The following IL22RA2 variants were observed in gnomAD, a reference collection of about 807,000 sequenced individuals.
IL22RA2 encodes the protein interleukin-22 receptor subunit alpha-2.
Under a neutral mutation model 30.7 loss-of-function variants are expected in IL22RA2, and 39 were observed. That is an observed-to-expected ratio of 1.27 (90% confidence interval 0.98 to 1.66). IL22RA2 has a LOEUF of 1.66. Among genes scored for constraint, IL22RA2 ranks in the 40% most tolerant of loss-of-function variants. The pLI is 0.00. For synonymous variants in IL22RA2, 103 were observed against 105.0 expected (o/e 0.98, Z 0.11); for missense variants, 315 against 312.7 (o/e 1.01, Z -0.05).
At position 137,147,899 on chromosome 6, in the gene IL22RA2, A is replaced by G. The variant is rs1189636457; in HGVS notation, c.473-8T>C. 6.2e-7 allele frequency: 1 copy of G among 1,603,376 alleles called. No homozygotes were observed. Among genetic ancestry groups the G allele is most frequent in the Middle Eastern group, 1.7e-4 (1 of 6,016 alleles). On this transcript the variant is annotated splice_region_variant and splice_polypyrimidine_tract_variant and intron_variant, in intron 5 of 6. Transcript: ENST00000296980. ...CTGGAGGATCTATTTTTGCTGAAGA[A>G]AAAACATAAAAATTTGACAAATCAT...
chr6:137,147,684 G>GA, intron 6 of IL22RA2, 38 bp downstream of exon 6: 4 of 1,433,624 alleles, frequency 2.8e-6, no homozygotes, highest in Non-Finnish European at 2.8e-6. Flanking sequence ...ATAAACAAAA[G>GA]AAAAAAACTC....
chr6:137,146,802 G>A (rs576591488), intron 6 of IL22RA2, among the ~76,000 whole-genome samples: 15 of 152,174 alleles, frequency 9.9e-5, no homozygotes, highest in Admixed American at 2.0e-4. Flanking sequence ...AGACCAGCCC[G>A]GGCAACATGG....
At chr6:137,168,364 C>A (rs954248180) in intron 1 of IL22RA2, among the ~76,000 whole-genome samples, 1 of 152,214 alleles carries the variant, frequency 6.6e-6, no homozygotes, top group Non-Finnish European at 1.5e-5. Context: ...CTAATGCCAT[C>A]ATATACAAAC....
rs905341353 is a variant in IL22RA2 at position 137,144,929 on chromosome 6, A to G, written c.*695T>C. ...AAGAAAAGCTTAATATATCTTTTAA[A>G]TGAGGGACAATTGTACAGAGCAGAC... On this transcript the variant is annotated 3_prime_UTR_variant, in exon 7 of 7. Transcript: ENST00000296980. 5 of 152,188 alleles carry G rather than the reference A, an allele frequency of 3.3e-5. No individual in the cohort carries two copies. In the South Asian group the frequency reaches 1.0e-3, roughly 31 times the overall value. The allele number at this position is 152,188 out of a possible 1,614,324, so 9.4% of individuals were successfully genotyped here.
intron 4 of IL22RA2, among the ~76,000 whole-genome samples, chr6:137,155,658 A>G (rs1158614123): frequency 2.0e-5 from 3 of 152,100 alleles, no homozygotes; most frequent in Non-Finnish European, 4.4e-5. Flanking sequence ...CATCTCCCCA[A>G]AGTCCCACCT....
chr6:137,154,898 A>C, intron 5 of IL22RA2, 43 bp downstream of exon 5: 2 of 1,594,560 alleles, frequency 1.3e-6, no homozygotes, highest in Non-Finnish European at 1.7e-6. Context: ...AGGGCTGTCC[A>C]AAAGCAGGAA....
intron 2 of IL22RA2, among the ~76,000 whole-genome samples, chr6:137,161,268 C>T (rs542699028): frequency 6.6e-6 from 1 of 152,296 alleles, no homozygotes; most frequent in African/African-American, 2.4e-5. Flanking sequence ...AATGGCAGAT[C>T]TGAAATCCAG....
intron 1 of IL22RA2, among the ~76,000 whole-genome samples, chr6:137,168,058 A>G (rs914600133): frequency 6.6e-6 from 1 of 152,238 alleles, no homozygotes; most frequent in Non-Finnish European, 1.5e-5. Context: ...CATGCATAGT[A>G]TAAGTTTAAT....
rs1778152986 is a variant in IL22RA2, at chr6:137,145,246, A to G, written c.*378T>C. 1 of 160,002 alleles carries G rather than the reference A, an allele frequency of 6.2e-6. No homozygotes were observed. Among genetic ancestry groups the G allele is most frequent in the South Asian group, 1.8e-4 (1 of 5,556 alleles). The allele number at this position is 160,002 out of a possible 1,614,324, so 9.9% of individuals were successfully genotyped here. The stretch of plus-strand genomic sequence containing the variant: ...CAGGACCGCCTCAGTCTGTAATGCT[A>G]TTTTAAAAAAATTATTTCAACATTT... On this transcript the variant is annotated 3_prime_UTR_variant, in exon 7 of 7. Transcript: ENST00000296980.
intron 1 of IL22RA2, among the ~76,000 whole-genome samples, chr6:137,170,789 T>C (rs1447398551): frequency 6.6e-6 from 1 of 151,936 alleles, no homozygotes; most frequent in African/African-American, 2.4e-5. Context: ...TATATGACAA[T>C]TGAAGTATCA....
intron 2 of IL22RA2, 79 bp from the exon 3 acceptor site, chr6:137,158,561 C>A: frequency 6.8e-7 from 1 of 1,460,818 alleles, no homozygotes; most frequent in South Asian, 1.2e-5. Flanking sequence ...CAGTGGAATA[C>A]CTGCATCAGG....
chr6:137,150,373 G>A (rs1054272456), intron 5 of IL22RA2, among the ~76,000 whole-genome samples: 2 of 151,912 alleles, frequency 1.3e-5, no homozygotes, highest in African/African-American at 4.8e-5. Context: ...ATCAACAAGA[G>A]TAGTAGCTAT....
intron 3 of IL22RA2, 51 bp from the exon 4 acceptor site, chr6:137,156,905 G>C: frequency 6.3e-7 from 1 of 1,580,594 alleles, no homozygotes; most frequent in Non-Finnish European, 8.7e-7. Context: ...CCAAACTCAA[G>C]GGGCATCCTG....
In IL22RA2 at chr6:137,145,627, T is replaced by C. The variant is rs1412693088; in HGVS notation, c.789A>G (p.Pro263=). ...QRSEERCVEI[P] The stretch of plus-strand genomic sequence containing the variant: ...GCTGAATGCCAAATTCCACAAGTCA[T>C]GGAATTTCCACACATCTCTCTTCAC... The change falls in exon 7 of 7, where the codon CCA becomes CCG. Residue 263 remains proline (P), a synonymous_variant. Coordinates refer to ENST00000296980, the MANE Select transcript of IL22RA2 (RefSeq NM_052962.3). 3.7e-6 allele frequency: 6 copies of C among 1,604,142 alleles called. No homozygotes were observed. The highest frequency in any genetic ancestry group is 1.7e-5 in the Admixed American group (1 of 58,828).
chr6:137,166,893 C>A (rs1350731057), intron 1 of IL22RA2, among the ~76,000 whole-genome samples: 1 of 152,216 alleles, frequency 6.6e-6, no homozygotes, highest in Non-Finnish European at 1.5e-5. Context: ...CAGCAGGGGC[C>A]AACATGGCCC....
At chr6:137,161,380 G>A (rs1778516985) in intron 2 of IL22RA2, among the ~76,000 whole-genome samples, 1 of 151,984 alleles carries the variant, frequency 6.6e-6, no homozygotes, top group South Asian at 2.1e-4. Flanking sequence ...CAGAGAGAAA[G>A]AGAGAGGGAG....
At chr6:137,153,893 T>G (rs9483996) in intron 5 of IL22RA2, among the ~76,000 whole-genome samples, 10,767 of 152,240 alleles carry the variant, frequency 0.071, 895 homozygotes, top group African/African-American at 0.2. Flanking sequence ...AAGTGAATGT[T>G]GAGTTTATAA....
chr6:137,165,161 G>A (rs1007010890), intron 1 of IL22RA2, among the ~76,000 whole-genome samples: 3 of 152,138 alleles, frequency 2.0e-5, no homozygotes, highest in East Asian at 1.9e-4. Context: ...GTATTGAGAG[G>A]CACTCCTAAA....
intron 1 of IL22RA2, among the ~76,000 whole-genome samples, chr6:137,165,314 G>A (rs896029499): frequency 1.3e-5 from 2 of 152,250 alleles, no homozygotes; most frequent in African/African-American, 4.8e-5. Flanking sequence ...CCCAGAGGCT[G>A]CGGGTAATCA....
Sources: gnomAD v4.1 joint callset for allele counts (sites outside exome capture counted in the v4.1 genomes callset) on GRCh38, gnomAD v4.1.1 for gene constraint, MANE v1.5 for transcripts, NCBI Gene and HGNC (gene_info 2026-07-23, HGNC 2026-07-21) for gene names.